SLC25A16: variants seen among roughly 807,000 people sequenced by gnomAD.
SLC25A16 encodes mitochondrial coenzyme A transporter SLC25A16.
SLC25A16 carries 39 observed loss-of-function variants against 41.5 expected under a neutral mutation model. The ratio of observed to expected loss-of-function variants is 0.94; its 90% confidence interval spans 0.73 to 1.23. The LOEUF (loss-of-function observed/expected upper bound fraction) is 1.23. Among genes scored for constraint, SLC25A16 ranks in the 50% most tolerant of loss-of-function variants. The pLI is 0.00. For missense variants in SLC25A16, 421 were observed against 426.9 expected (o/e 0.99, Z 0.12); for synonymous variants, 146 against 147.8 (o/e 0.99, Z 0.09).
At chr10:68,492,241 C>A (rs939902459) in intron 6 of SLC25A16, among the ~76,000 whole-genome samples, 2 of 152,164 alleles carry the variant, frequency 1.3e-5, no homozygotes, top group African/African-American at 4.8e-5. Context: ...AACTGAGCAA[C>A]CTGATTGTTC....
intron 1 of SLC25A16, among the ~76,000 whole-genome samples, 165 bp downstream of exon 1, chr10:68,527,081 C>G (rs779853262): frequency 4.6e-5 from 7 of 152,158 alleles, no homozygotes; most frequent in Non-Finnish European, 7.4e-5. Context: ...TGTCATTAGT[C>G]AAGTGATTAC....
At chr10:68,498,925 T>C (rs2052795386) in intron 4 of SLC25A16, among the ~76,000 whole-genome samples, 1 of 152,056 alleles carries the variant, frequency 6.6e-6, no homozygotes. Context: ...ACATTACAAA[T>C]GAAACAAAAA....
chr10:68,517,328 T>C, intron 1 of SLC25A16: 3 of 812,624 alleles, frequency 3.7e-6, no homozygotes, highest in Non-Finnish European at 4.5e-6. Context: ...CATTTATACA[T>C]TCAGCAAATA....
Position 68,479,982 on chromosome 10 carries a change from G to C in SLC25A16, c.*3450C>G, listed in dbSNP as rs1020530738. The C allele has an allele frequency of 2.0e-5, 3 of 150,608 alleles. No homozygotes were observed. The highest frequency in any genetic ancestry group is 7.4e-5 in the African/African-American group (3 of 40,700). 9.3% of individuals were successfully genotyped at this position (150,608 alleles called of 1,614,324 possible). On this transcript the variant is annotated 3_prime_UTR_variant, in exon 9 of 9. Transcript: ENST00000609923. ...GCCGAGATTGCACCACTGCACTCCAGCTTGGGTGACAGAGTTAAGACTCTC... is the reference window on the plus strand; with the variant it reads ...GCCGAGATTGCACCACTGCACTCCACCTTGGGTGACAGAGTTAAGACTCTC...
intron 6 of SLC25A16, among the ~76,000 whole-genome samples, chr10:68,489,572 G>T (rs767969866): frequency 6.6e-6 from 1 of 151,948 alleles, no homozygotes. Flanking sequence ...AAATTCAAGC[G>T]TTCCTCCCAA....
chr10:68,497,018 A>G (rs919360222), intron 4 of SLC25A16, among the ~76,000 whole-genome samples: 2 of 152,170 alleles, frequency 1.3e-5, no homozygotes, highest in African/African-American at 4.8e-5. Flanking sequence ...ACAAGGAGAG[A>G]GTAAAGGGAA....
chr10:68,520,110 C>G (rs548970313), intron 1 of SLC25A16, among the ~76,000 whole-genome samples: 1 of 151,196 alleles, frequency 6.6e-6, no homozygotes, highest in Non-Finnish European at 1.5e-5. Context: ...ACCACCTCGC[C>G]CAGCTAATTT....
intron 4 of SLC25A16, among the ~76,000 whole-genome samples, chr10:68,499,356 C>T (rs1005375365): frequency 6.6e-5 from 10 of 152,340 alleles, no homozygotes; most frequent in Middle Eastern, 6.8e-3. Flanking sequence ...GGTTCTAACA[C>T]TTTCCTTCTT....
rs576604354 is a variant in SLC25A16, at chr10:68,488,323, A to G, written c.773+144T>C. 8.3e-5 allele frequency: 46 copies of G among 551,490 alleles called. No homozygotes were observed. In the South Asian group the frequency reaches 1.5e-3, roughly 18 times the overall value. 34.2% of individuals were successfully genotyped at this position (551,490 alleles called of 1,614,324 possible). ...TATGCTTAAAGTGCACACACATCTGAAAAAATGTATTAAATTGAGACCTAT... is the reference window on the plus strand; with the variant it reads ...TATGCTTAAAGTGCACACACATCTGGAAAAATGTATTAAATTGAGACCTAT... On this transcript the variant is annotated intron_variant, in intron 7 of 8. Coordinates refer to ENST00000609923, the MANE Select transcript of SLC25A16 (RefSeq NM_152707.4).
intron 3 of SLC25A16, among the ~76,000 whole-genome samples, chr10:68,505,710 G>A (rs1251691785): frequency 6.6e-6 from 1 of 152,062 alleles, no homozygotes; most frequent in Non-Finnish European, 1.5e-5. Context: ...CTCCAGCCTA[G>A]GGAACAAAAG....
intron 2 of SLC25A16, among the ~76,000 whole-genome samples, chr10:68,514,784 C>T (rs1290271337): frequency 2.0e-5 from 3 of 151,922 alleles, no homozygotes; most frequent in African/African-American, 7.2e-5. Flanking sequence ...GTCCCCCAGG[C>T]TGGAGTGCAA....
chr10:68,495,298 C>A (rs900042442), intron 4 of SLC25A16, among the ~76,000 whole-genome samples: 1 of 151,998 alleles, frequency 6.6e-6, no homozygotes, highest in Non-Finnish European at 1.5e-5. Context: ...GTAATCTCAG[C>A]TACTCTACTC....
intron 2 of SLC25A16, among the ~76,000 whole-genome samples, chr10:68,516,491 G>A (rs1417485142): frequency 6.6e-6 from 1 of 152,136 alleles, no homozygotes; most frequent in African/African-American, 2.4e-5. Context: ...CAAATATTTA[G>A]GCTAAATTGT....
chr10:68,510,677 A>G (rs1265385864), intron 2 of SLC25A16, among the ~76,000 whole-genome samples: 2 of 151,930 alleles, frequency 1.3e-5, no homozygotes, highest in Non-Finnish European at 2.9e-5. Flanking sequence ...CATCTCTACT[A>G]AAAATACAAG....
rs1476589751 is a variant in SLC25A16, at chr10:68,503,657, G to A, written c.396C>T (p.His132=). The change falls in exon 4 of 9, where the codon CAC becomes CAT. Residue 132 remains histidine (H), a synonymous_variant. Transcript: ENST00000609923. ...TTKLGISGHV[H]RLMAGSMAGM... ...CTGCCATGGATCCAGCCATTAATCT[G>A]TGCACATGACCTGAAATTCCCAGCT... The A allele has an allele frequency of 2.5e-6, 4 of 1,605,742 alleles. No individual in the cohort carries two copies. The Admixed American group carries it at 5.0e-5, about 20-fold the overall frequency.
Position 68,501,880 on chromosome 10 carries a change from G to T in SLC25A16, c.421+1752C>A, listed in dbSNP as rs148080324. Among the ~76,000 whole-genome samples, 541 of 152,210 alleles carry T rather than the reference G, an allele frequency of 3.6e-3. 3 individuals are homozygous for T. Among genetic ancestry groups the T allele is most frequent in the Non-Finnish European group, 4.4e-3 (297 of 68,020 alleles). The stretch of plus-strand genomic sequence containing the variant: ...ACAAAAGTAAACATAAGATCAACAT[G>T]CCAAAACAAATAGTTTTAGTAGAAA... On this transcript the variant is annotated intron_variant, in intron 4 of 8. Transcript: ENST00000609923.
intron 4 of SLC25A16, chr10:68,503,337 A>G (rs1013759533): frequency 1.7e-5 from 4 of 236,588 alleles, no homozygotes; most frequent in African/African-American, 9.0e-5. Flanking sequence ...CATAGTTATA[A>G]GTTGAGACTA....
chr10:68,503,742 G>A (rs781329182), intron 3 of SLC25A16, 47 bp from the exon 4 acceptor site: 1 of 1,144,896 alleles, frequency 8.7e-7, no homozygotes, highest in Non-Finnish European at 1.3e-6. Flanking sequence ...TTTAAATGCT[G>A]CCCATTTCAC....
rs143081241 is a variant in SLC25A16, at chr10:68,500,722, G to A, written c.421+2910C>T. 6.6e-3 allele frequency among the ~76,000 whole-genome samples: 1,000 copies of A among 151,622 alleles called. 8 individuals carry two copies. Among genetic ancestry groups the A allele is most frequent in the African/African-American group, 0.022 (924 of 41,426 alleles). Reference sequence around the variant, plus strand: ...AAGGCAGGTAGATCACCTGAGGTCCGGAGTTTGAGACCAGCCTGGCCAACA... The same window carrying A: ...AAGGCAGGTAGATCACCTGAGGTCCAGAGTTTGAGACCAGCCTGGCCAACA... On this transcript the variant is annotated intron_variant, in intron 4 of 8. Transcript: ENST00000609923.
Sources: gnomAD v4.1 joint callset for allele counts (sites outside exome capture counted in the v4.1 genomes callset) on GRCh38, gnomAD v4.1.1 for gene constraint, MANE v1.5 for transcripts, NCBI Gene and HGNC (gene_info 2026-07-23, HGNC 2026-07-21) for gene names.